Variants in DGKB observed in about 807,000 individuals in gnomAD.
DGKB encodes 90 kDa diacylglycerol kinase.
Under a neutral mutation model 114.3 loss-of-function variants are expected in DGKB, and 67 were observed. The observed-to-expected ratio is 0.59, with a 90% CI of 0.48 to 0.72. DGKB has a LOEUF of 0.72. DGKB is among the 30% of genes least tolerant of loss of function. DGKB has a pLI of 0.00. For synonymous variants in DGKB, 398 were observed against 323.1 expected, an observed-to-expected ratio of 1.23 and a Z score of -2.49; for missense variants, 907 against 975.2, an observed-to-expected ratio of 0.93 and a Z score of 0.93.
At chr7:14,320,405 T>G (rs893967721) in intron 23 of DGKB, among the ~76,000 whole-genome samples, 1 of 151,824 alleles carries the variant, frequency 6.6e-6, no homozygotes, top group Admixed American at 6.6e-5. Flanking sequence ...TGTTCTCAGT[T>G]GACATATAGT....
At chr7:14,416,044 T>C (rs1825684244) in intron 21 of DGKB, among the ~76,000 whole-genome samples, 1 of 152,272 alleles carries the variant, frequency 6.6e-6, no homozygotes, top group African/African-American at 2.4e-5. Context: ...TTTTTTCATG[T>C]GTTTTTTGGC....
At chr7:14,928,957 T>C (rs996796693) in intron 1 of DGKB, among the ~76,000 whole-genome samples, 1 of 151,754 alleles carries the variant, frequency 6.6e-6, no homozygotes, top group Non-Finnish European at 1.5e-5. Flanking sequence ...CTTAAGATAA[T>C]GGCTTGTTCC....
At chr7:14,181,559 T>C (rs1008632925) in intron 23 of DGKB, among the ~76,000 whole-genome samples, 2 of 152,200 alleles carry the variant, frequency 1.3e-5, no homozygotes, top group Admixed American at 1.3e-4. Context: ...CATTCATTAG[T>C]GTGCTCAATC....
intron 23 of DGKB, among the ~76,000 whole-genome samples, chr7:14,193,155 G>A (rs1772650515): frequency 1.4e-5 from 2 of 146,108 alleles, no homozygotes; most frequent in Non-Finnish European, 1.5e-5. Context: ...GGGGGTTAGG[G>A]ACCCCTGCTT....
intron 16 of DGKB, among the ~76,000 whole-genome samples, chr7:14,609,832 C>T (rs1036584154): frequency 2.0e-5 from 3 of 152,020 alleles, no homozygotes; most frequent in African/African-American, 4.8e-5. Context: ...CACCATCTCA[C>T]GCCAATCAGA....
chr7:14,856,515 A>T (rs770251213), intron 1 of DGKB, among the ~76,000 whole-genome samples: 10 of 152,088 alleles, frequency 6.6e-5, no homozygotes, highest in Non-Finnish European at 1.2e-4. Context: ...ACCATTTTAC[A>T]TGTTTGAACT....
intron 23 of DGKB, among the ~76,000 whole-genome samples, chr7:14,303,558 T>C (rs1037171264): frequency 6.6e-6 from 1 of 152,136 alleles, no homozygotes; most frequent in Non-Finnish European, 1.5e-5. Flanking sequence ...TTTTCTTTAC[T>C]CTTTGGTGTT....
intron 1 of DGKB, among the ~76,000 whole-genome samples, chr7:14,922,375 CGTGT>C (rs150420213): frequency 0.17 from 20,561 of 117,970 alleles, 1,483 homozygotes; most frequent in Admixed American, 0.24. Context: ...GTGTATCCAT[CGTGT>C]GTGTGTGTGT....
At chr7:14,342,978 A>G (rs1451610331) in intron 22 of DGKB, among the ~76,000 whole-genome samples, 2 of 151,928 alleles carry the variant, frequency 1.3e-5, no homozygotes, top group African/African-American at 4.8e-5. Context: ...TTTTCAAACC[A>G]TAGTAGGTAT....
rs191491618 is a variant in DGKB, at chr7:14,321,350, A to G, written c.2122+17165T>C. On this transcript the variant is annotated intron_variant, in intron 23 of 25. Transcript: ENST00000402815. ...CACAGGATAAAGAATAAAAAGTATG[A>G]TTCTCTCAATAGATGAAAAACAATA... 2.0e-5 allele frequency among the ~76,000 whole-genome samples: 3 copies of G among 152,316 alleles called. No individual in the cohort carries two copies. In the South Asian group the frequency reaches 6.2e-4, roughly 32 times the overall value.
At chr7:14,234,544 G>T (rs1318761635) in intron 23 of DGKB, among the ~76,000 whole-genome samples, 2 of 152,020 alleles carry the variant, frequency 1.3e-5, no homozygotes, top group African/African-American at 2.4e-5. Flanking sequence ...TGCAAGGAAT[G>T]AATAATATTT....
At chr7:14,306,545 G>A (rs1001725008) in intron 23 of DGKB, among the ~76,000 whole-genome samples, 3 of 151,858 alleles carry the variant, frequency 2.0e-5, no homozygotes, top group African/African-American at 7.3e-5. Flanking sequence ...AGTCACTGAA[G>A]TTTTTTTTCT....
At chr7:14,150,859 T>C (rs1782089102) in intron 25 of DGKB, among the ~76,000 whole-genome samples, 1 of 152,132 alleles carries the variant, frequency 6.6e-6, no homozygotes, top group Non-Finnish European at 1.5e-5. Context: ...ATTCATCATT[T>C]ATTCATTTCA....
At position 14,685,375 on chromosome 7, in the gene DGKB, T is replaced by G; in HGVS notation, c.712-13A>C. ...CATCCTTCACGTTCTGCATGGGACG[T>G]AAGAGAAACAGATTTCACTTAATGA... On this transcript the variant is annotated splice_polypyrimidine_tract_variant and intron_variant, in intron 9 of 25. Coordinates refer to ENST00000402815, the MANE Select transcript of DGKB (RefSeq NM_001350709.2). The G allele has an allele frequency of 6.3e-7, 1 of 1,582,604 alleles. No individual in the cohort carries two copies. Among genetic ancestry groups the G allele is most frequent in the Non-Finnish European group, 8.7e-7 (1 of 1,151,740 alleles).
At chr7:14,796,683 A>G (rs373347539) in intron 2 of DGKB, among the ~76,000 whole-genome samples, 70 of 120,430 alleles carry the variant, frequency 5.8e-4, no homozygotes, top group African/African-American at 3.0e-3. Context: ...AACTTTCTAG[A>G]AAGTAAAAAA....
intron 13 of DGKB, among the ~76,000 whole-genome samples, chr7:14,631,453 A>T (rs1357698888): frequency 3.9e-5 from 6 of 151,920 alleles, no homozygotes; most frequent in Non-Finnish European, 7.4e-5. Context: ...CTCTATTTGG[A>T]AGATATTTCC....
intron 20 of DGKB, among the ~76,000 whole-genome samples, chr7:14,539,020 T>C (rs891853187): frequency 2.0e-5 from 3 of 152,122 alleles, no homozygotes; most frequent in African/African-American, 7.2e-5. Context: ...GTAAAGTTTG[T>C]TATACAAAAT....
chr7:14,599,845 G>A (rs1370263204), intron 17 of DGKB, among the ~76,000 whole-genome samples: 1 of 152,044 alleles, frequency 6.6e-6, no homozygotes, highest in Admixed American at 6.6e-5. Context: ...GCCTGGGGCT[G>A]GAGGTGAATT....
chr7:14,377,774 C>G (rs912460285), intron 21 of DGKB, among the ~76,000 whole-genome samples: 1 of 152,286 alleles, frequency 6.6e-6, no homozygotes, highest in Middle Eastern at 3.4e-3. Flanking sequence ...TCCTGGGTCC[C>G]TGGGATCTTC....
Sources: allele counts gnomAD v4.1 joint callset (sites outside exome capture counted in the v4.1 genomes callset), GRCh38; gene constraint gnomAD v4.1.1; transcripts MANE v1.5; gene names NCBI Gene and HGNC (gene_info 2026-07-23, HGNC 2026-07-21).